The following TIMM50 variants were observed in gnomAD, a reference collection of about 807,000 sequenced individuals.
TIMM50 encodes translocase of inner mitochondrial membrane 50.
A neutral mutation model predicts 49.6 loss-of-function variants in TIMM50; 34 were observed. The observed-to-expected ratio is 0.69, with a 90% CI of 0.52 to 0.91. The LOEUF is 0.91. TIMM50 is among the 40% of genes least tolerant of loss of function. The pLI, the probability that TIMM50 is intolerant of heterozygous loss-of-function variation, is 0.00. For missense variants in TIMM50, 458 were observed against 477.8 expected (o/e 0.96, Z 0.39); for synonymous variants, 199 against 198.4 (o/e 1.00, Z -0.03).
At chr19:39,488,461 G>A (rs2079522438) in intron 9 of TIMM50, 78 bp from the exon 10 acceptor site, 1 of 1,381,548 alleles carries the variant, frequency 7.2e-7, no homozygotes. Flanking sequence ...GTGCCCCAGT[G>A]CGGGACGTTC....
In TIMM50 at chr19:39,492,882, A is replaced by AAAAAAAAAAAAC; in HGVS notation, c.*3072_*3073insACAAAAAAAAAA. ...TAAGGCTCTGTCTCCAAAAAAAAAA[A>AAAAAAAAAAAAC]AAAAAAAAAACAAAAAAAAAACCAG... On this transcript the variant is annotated 3_prime_UTR_variant, in exon 11 of 11. Coordinates refer to ENST00000607714, the MANE Select transcript of TIMM50 (RefSeq NM_001001563.5). The AAAAAAAAAAAAC allele has an allele frequency of 7.1e-6, 1 of 141,328 alleles. No homozygotes were observed. The highest frequency in any genetic ancestry group is 1.5e-5 in the Non-Finnish European group (1 of 65,200). The allele number at this position is 141,328 out of a possible 1,614,324, so 8.8% of individuals were successfully genotyped here. A position where few individuals can be genotyped will look rare whatever the true frequency, so the allele number is the denominator to read the frequency against.
chr19:39,486,087 G>T, intron 6 of TIMM50, 100 bp from the exon 7 acceptor site: 2 of 1,271,440 alleles, frequency 1.6e-6, no homozygotes, highest in South Asian at 1.2e-5. Flanking sequence ...CAGAGGGAGA[G>T]AACTCTGTTC....
chr19:39,488,446 C>G (rs998324830), intron 9 of TIMM50, 93 bp from the exon 10 acceptor site: 102 of 1,223,854 alleles, frequency 8.3e-5, no homozygotes, highest in Non-Finnish European at 1.1e-4. Context: ...GCACTGACTG[C>G]CCCCGTGCCC....
chr19:39,484,598 C>G (rs2079492515), intron 4 of TIMM50, among the ~76,000 whole-genome samples: 1 of 151,946 alleles, frequency 6.6e-6, no homozygotes, highest in Non-Finnish European at 1.5e-5. Context: ...GGTTATATCT[C>G]CCGGCATTGC....
At chr19:39,485,408 G>C in intron 4 of TIMM50, 136 bp from the exon 5 acceptor site, 1 of 945,396 alleles carries the variant, frequency 1.1e-6, no homozygotes, top group South Asian at 1.4e-5. Flanking sequence ...TCTATCTTTG[G>C]ACCTAGAAAT....
At chr19:39,484,199 A>G (rs2146152036) in intron 4 of TIMM50, among the ~76,000 whole-genome samples, 1 of 152,258 alleles carries the variant, frequency 6.6e-6, no homozygotes, top group East Asian at 1.9e-4. Flanking sequence ...TATTGCACTA[A>G]AAATACTGTA....
intron 6 of TIMM50, 69 bp downstream of exon 6, chr19:39,485,876 C>G: frequency 6.3e-7 from 1 of 1,594,116 alleles, no homozygotes; most frequent in Admixed American, 1.7e-5. Flanking sequence ...GGTGGACTTT[C>G]AGCCCTGGCT....
At position 39,483,112 on chromosome 19, in the gene TIMM50, C is replaced by T. The variant is rs150463471; in HGVS notation, c.292-23C>T. ...TTCTGCCTCTGACATCCTAAACCTT[C>T]CATTTTTCTCTCTACCTCCCAGATT... On this transcript the variant is annotated intron_variant, in intron 3 of 10. Coordinates refer to ENST00000607714, the MANE Select transcript of TIMM50 (RefSeq NM_001001563.5). 3,943 of 1,614,146 alleles carry T rather than the reference C, an allele frequency of 2.4e-3. 7 individuals carry two copies. Among genetic ancestry groups the T allele is most frequent in the Non-Finnish European group, 3.0e-3 (3,583 of 1,179,998 alleles).
In TIMM50 at chr19:39,485,547, C is replaced by G; in HGVS notation, c.317C>G (p.Pro106Arg). The G allele has an allele frequency of 1.2e-6, 2 of 1,614,096 alleles. No individual in the cohort carries two copies. The highest frequency in any genetic ancestry group is 1.7e-6 in the Non-Finnish European group (2 of 1,180,006). Residue 106 changes from proline (P) to arginine (R), a missense_variant, in exon 5 of 11, where the codon CCA becomes CGA. Physicochemically the swap from Pro to Arg is moderately radical, Grantham distance 103. Coordinates refer to ENST00000607714, the MANE Select transcript of TIMM50 (RefSeq NM_001001563.5). ...AKIPDEFDND[P>R]ILVQQLRRTY... The stretch of plus-strand genomic sequence containing the variant: ...TTTGTGCCTGGTGTTCTCCTAGATC[C>G]AATTCTGGTACAGCAGTTGCGCCGG...
chr19:39,490,684 C>G lies in TIMM50; in HGVS notation c.*864C>G, dbSNP rs1273550825. On this transcript the variant is annotated 3_prime_UTR_variant, in exon 11 of 11. Transcript: ENST00000607714. ...GGATTCCAGGTGTGAGCTACTGTGC[C>G]CAGCTAAAATAGGGATTTTTATATT... The G allele has an allele frequency of 1.3e-5, 2 of 151,984 alleles. No individual in the cohort carries two copies. Among genetic ancestry groups the G allele is most frequent in the Non-Finnish European group, 2.9e-5 (2 of 68,014 alleles). 9.4% of individuals were successfully genotyped at this position (151,984 alleles called of 1,614,324 possible).
intron 2 of TIMM50, among the ~76,000 whole-genome samples, chr19:39,482,433 G>A (rs1178089827): frequency 2.0e-5 from 3 of 151,996 alleles, no homozygotes; most frequent in East Asian, 1.9e-4. Flanking sequence ...CGAGGCGGGC[G>A]GATCACGAGG....
intron 6 of TIMM50, 153 bp downstream of exon 6, chr19:39,485,960 G>C: frequency 7.9e-7 from 1 of 1,262,070 alleles, no homozygotes; most frequent in Non-Finnish European, 1.1e-6. Context: ...AGGCAGTCAT[G>C]CTAACACCCA....
rs759257961 is a variant in TIMM50, at chr19:39,489,077, G to A, written c.960+432G>A. ...AAGTGGGACTGAGAGTATGGATTGC[G>A]TCTGGGTAAGATTCCCAGGGGTCTA... On this transcript the variant is annotated intron_variant, in intron 10 of 10. Coordinates refer to ENST00000607714, the MANE Select transcript of TIMM50 (RefSeq NM_001001563.5). 3.0e-4 allele frequency among the ~76,000 whole-genome samples: 45 copies of A among 152,102 alleles called. 1 individual carries two copies. The highest frequency in any genetic ancestry group is 1.3e-4 in the Admixed American group (2 of 15,268).
At chr19:39,489,013 GAGAGA>G (rs2079526717) in intron 10 of TIMM50, among the ~76,000 whole-genome samples, 1 of 152,116 alleles carries the variant, frequency 6.6e-6, no homozygotes, top group Non-Finnish European at 1.5e-5. Context: ...AGGCTGTGGG[GAGAGA>G]TGTGATAGTC....
chr19:39,481,173 C>G, intron 1 of TIMM50: 1 of 610,814 alleles, frequency 1.6e-6, no homozygotes. Context: ...CACCTCCCAC[C>G]CACGTGGGTG....
intron 5 of TIMM50, 27 bp from the exon 6 acceptor site, chr19:39,485,661 C>T (rs920862987): frequency 9.3e-6 from 15 of 1,613,994 alleles, no homozygotes; most frequent in East Asian, 8.9e-5. Context: ...CTTGTCTGAG[C>T]GCCCCCATCC....
In TIMM50 at chr19:39,486,184, C is replaced by T. The variant is rs540869482; in HGVS notation, c.493-3C>T. On this transcript the variant is annotated splice_polypyrimidine_tract_variant and splice_region_variant and intron_variant, in intron 6 of 10. Coordinates refer to ENST00000607714, the MANE Select transcript of TIMM50 (RefSeq NM_001001563.5). ...TGTTTCACTGTCCTCACTGTCTTCCCAGCTGGCCACTGGCTGGAGGTTTAA... is the reference window on the plus strand; with the variant it reads ...TGTTTCACTGTCCTCACTGTCTTCCTAGCTGGCCACTGGCTGGAGGTTTAA... 4 of 1,614,072 alleles carry T rather than the reference C, an allele frequency of 2.5e-6. No homozygotes were observed. The Admixed American group carries it at 6.7e-5, about 27-fold the overall frequency.
At chr19:39,485,979 G>T in intron 6 of TIMM50, 172 bp downstream of exon 6, 1 of 1,175,718 alleles carries the variant, frequency 8.5e-7, no homozygotes, top group Non-Finnish European at 1.2e-6. Flanking sequence ...CACTCTGTAG[G>T]GTAGTGTAGG....
chr19:39,482,459 C>G (rs1017426269), intron 2 of TIMM50, among the ~76,000 whole-genome samples: 6 of 151,778 alleles, frequency 4.0e-5, no homozygotes, highest in Non-Finnish European at 8.8e-5. Context: ...AGACGGAGAC[C>G]ATCCTGGCTA....
Sources: gnomAD v4.1 joint callset for allele counts (sites outside exome capture counted in the v4.1 genomes callset) on GRCh38, gnomAD v4.1.1 for gene constraint, MANE v1.5 for transcripts, NCBI Gene and HGNC (gene_info 2026-07-23, HGNC 2026-07-21) for gene names.